The following FER variants were observed in gnomAD, a reference collection of about 807,000 sequenced individuals.
FER encodes FER tyrosine kinase.
Under a neutral mutation model 111.0 loss-of-function variants are expected in FER, and 63 were observed. The observed-to-expected ratio is 0.57, with a 90% CI of 0.46 to 0.70. The LOEUF is 0.70. FER is among the 30% of genes least tolerant of loss of function. The pLI, the probability that FER is intolerant of heterozygous loss-of-function variation, is 0.00. For missense variants in FER, 914 were observed against 954.0 expected, an observed-to-expected ratio of 0.96 and a Z score of 0.55; for synonymous variants, 327 against 313.9, an observed-to-expected ratio of 1.04 and a Z score of -0.44.
chr5:108,792,837 T>C (rs1000890999), intron 2 of FER, among the ~76,000 whole-genome samples: 10 of 152,032 alleles, frequency 6.6e-5, no homozygotes, highest in Non-Finnish European at 1.2e-4. Context: ...TTTTGTATAT[T>C]GACCTTGTAC....
rs1281993458 is a variant in FER, at chr5:109,017,051, C to T, written c.1657-20371C>T. 1.1e-4 allele frequency among the ~76,000 whole-genome samples: 17 copies of T among 152,124 alleles called. No homozygotes were observed. The East Asian group carries it at 2.5e-3, about 22-fold the overall frequency. ...TGTTTAAGCCACCCAGTCTATGATA[C>T]TTTGTTATGGCAGCCTAAGCTGACC... On this transcript the variant is annotated intron_variant, in intron 13 of 19. Coordinates refer to ENST00000281092, the MANE Select transcript of FER (RefSeq NM_005246.4).
At chr5:108,760,957 G>A (rs1371616642) in intron 1 of FER, among the ~76,000 whole-genome samples, 1 of 151,318 alleles carries the variant, frequency 6.6e-6, no homozygotes, top group African/African-American at 2.4e-5. Context: ...TTGAGATGGA[G>A]TCTCGCTCTG....
intron 13 of FER, among the ~76,000 whole-genome samples, chr5:109,035,033 CTTTT>C (rs554716544): frequency 8.4e-6 from 1 of 119,660 alleles, no homozygotes; most frequent in Non-Finnish European, 1.7e-5. Context: ...AGAAATTGAA[CTTTT>C]TTTTTTTTTT....
chr5:109,159,873 A>G (rs150922063), intron 17 of FER, among the ~76,000 whole-genome samples: 1 of 152,130 alleles, frequency 6.6e-6, no homozygotes, highest in Non-Finnish European at 1.5e-5. Flanking sequence ...TACTAAGCAG[A>G]TGATCTGCAC....
At chr5:108,880,063 C>T (rs1765536406) in intron 8 of FER, among the ~76,000 whole-genome samples, 1 of 151,994 alleles carries the variant, frequency 6.6e-6, no homozygotes, top group South Asian at 2.1e-4. Context: ...TCTTTGATGT[C>T]TGTCTAGTAG....
At chr5:108,814,489 G>A (rs929348134) in intron 3 of FER, among the ~76,000 whole-genome samples, 5 of 152,122 alleles carry the variant, frequency 3.3e-5, no homozygotes, top group African/African-American at 1.2e-4. Context: ...AAGATCATTG[G>A]GAGATGTGCT....
chr5:109,149,802 G>T (rs142272307), intron 17 of FER, among the ~76,000 whole-genome samples: 1 of 152,120 alleles, frequency 6.6e-6, no homozygotes, highest in Non-Finnish European at 1.5e-5. Context: ...AAAAAGTTCC[G>T]TTACTTCACA....
At chr5:109,037,578 A>G in intron 14 of FER, 100 bp downstream of exon 14, 1 of 874,172 alleles carries the variant, frequency 1.1e-6, no homozygotes, top group East Asian at 2.5e-5. Flanking sequence ...TATTGCCACA[A>G]GGCACATTAC....
intron 2 of FER, among the ~76,000 whole-genome samples, 163 bp from the exon 3 acceptor site, chr5:108,797,961 A>G (rs1285176036): frequency 2.0e-5 from 3 of 151,652 alleles, no homozygotes; most frequent in Non-Finnish European, 2.9e-5. Flanking sequence ...GTTGAAGCCA[A>G]CAATAGGGTG....
intron 13 of FER, among the ~76,000 whole-genome samples, chr5:108,981,257 G>A (rs933134462): frequency 6.6e-6 from 1 of 151,932 alleles, no homozygotes; most frequent in African/African-American, 2.4e-5. Context: ...ATATTTATGG[G>A]GGTCATTGAT....
At chr5:109,053,606 T>A (rs576421061) in intron 16 of FER, among the ~76,000 whole-genome samples, 18 of 152,184 alleles carry the variant, frequency 1.2e-4, no homozygotes, top group Non-Finnish European at 2.5e-4. Context: ...GCACTTTTTT[T>A]TCCACTAAGT....
chr5:109,110,817 T>C (rs1479896272), intron 17 of FER, among the ~76,000 whole-genome samples: 2 of 152,096 alleles, frequency 1.3e-5, no homozygotes, highest in Admixed American at 1.3e-4. Context: ...TTTAACGTAT[T>C]ACTCCATCAA....
chr5:108,772,839 C>G (rs1000536482), intron 2 of FER, among the ~76,000 whole-genome samples: 2 of 152,184 alleles, frequency 1.3e-5, no homozygotes, highest in Non-Finnish European at 2.9e-5. Flanking sequence ...GAATATGTAT[C>G]TATTAATAGT....
chr5:108,994,271 T>C (rs188366175), intron 13 of FER, among the ~76,000 whole-genome samples: 1 of 152,216 alleles, frequency 6.6e-6, no homozygotes, highest in African/African-American at 2.4e-5. Flanking sequence ...TAATCCATCT[T>C]GAGTTAATTT....
rs1446972747 is a variant in FER at position 109,080,496 on chromosome 5, C to A, written c.1925-19900C>A. Among the ~76,000 whole-genome samples, 4 of 152,118 alleles carry A rather than the reference C, an allele frequency of 2.6e-5. No individual in the cohort carries two copies. In the East Asian group the frequency reaches 7.7e-4, roughly 29 times the overall value. On this transcript the variant is annotated intron_variant, in intron 16 of 19. Coordinates refer to ENST00000281092, the MANE Select transcript of FER (RefSeq NM_005246.4). ...ACAATGCATTACCCATTTTGATTTT[C>A]AGGTATCGGTGAAAGTCATCTTTTG...
chr5:108,895,111 A>G (rs35603379), intron 9 of FER, among the ~76,000 whole-genome samples: 10,602 of 152,258 alleles, frequency 0.07, 408 homozygotes, highest in Non-Finnish European at 0.082. Flanking sequence ...AGGGTAAAAT[A>G]AAGGTGAAAT....
chr5:109,094,732 G>T (rs556535443), intron 16 of FER, among the ~76,000 whole-genome samples: 2 of 152,254 alleles, frequency 1.3e-5, no homozygotes, highest in Admixed American at 1.3e-4. Flanking sequence ...CAGGCAATAG[G>T]CTGGATTGGG....
intron 16 of FER, among the ~76,000 whole-genome samples, chr5:109,058,758 A>C (rs1350852513): frequency 1.0e-4 from 9 of 89,930 alleles, no homozygotes; most frequent in Admixed American, 3.6e-4. Context: ...TTTGAGACGG[A>C]GTCTAGCTCT....
At chr5:108,822,714 T>TTTTA in intron 3 of FER, among the ~76,000 whole-genome samples, 1 of 92,198 alleles carries the variant, frequency 1.1e-5, no homozygotes, top group East Asian at 3.6e-4. Context: ...ATTTTATTTA[T>TTTTA]TTTATTTTAT....
Sources: allele counts gnomAD v4.1 joint callset (sites outside exome capture counted in the v4.1 genomes callset), GRCh38; gene constraint gnomAD v4.1.1; transcripts MANE v1.5; gene names NCBI Gene and HGNC (gene_info 2026-07-23, HGNC 2026-07-21).